Variants in NKAIN2 observed in about 807,000 individuals in gnomAD.
NKAIN2 encodes the protein sodium/potassium transporting ATPase interacting 2, also known as sodium/potassium-transporting ATPase subunit beta-1-interacting protein 2.
NKAIN2 carries 14 observed loss-of-function variants against 32.6 expected under a neutral mutation model. That is an observed-to-expected ratio of 0.43 (90% CI 0.28 to 0.67). The LOEUF is 0.67. Among genes scored for constraint, NKAIN2 ranks in the 30% least tolerant of loss-of-function variants. NKAIN2 has a pLI of 0.17. For synonymous variants in NKAIN2, 80 were observed against 87.2 expected, an observed-to-expected ratio of 0.92 and a Z score of 0.46; for missense variants, 198 against 258.3, an observed-to-expected ratio of 0.77 and a Z score of 1.60.
At chr6:123,930,774 GT>G (rs888289158) in intron 1 of NKAIN2, among the ~76,000 whole-genome samples, 12 of 152,270 alleles carry the variant, frequency 7.9e-5, no homozygotes, top group Admixed American at 7.9e-4. Context: ...AAGATACAGA[GT>G]AAGTGTAAGA....
At chr6:124,718,017 G>A (rs1472112416) in intron 4 of NKAIN2, among the ~76,000 whole-genome samples, 1 of 152,146 alleles carries the variant, frequency 6.6e-6, no homozygotes, top group Non-Finnish European at 1.5e-5. Flanking sequence ...GAAAAAGCAT[G>A]AGGTCACTGT....
intron 1 of NKAIN2, among the ~76,000 whole-genome samples, chr6:123,899,173 A>G (rs1318003783): frequency 6.6e-6 from 1 of 152,196 alleles, no homozygotes; most frequent in Non-Finnish European, 1.5e-5. Flanking sequence ...AGGCAGATAA[A>G]TTGGCTTTGG....
chr6:124,129,679 G>A (rs163290), intron 1 of NKAIN2, among the ~76,000 whole-genome samples: 92,925 of 151,838 alleles, frequency 0.61, 28,643 homozygotes, highest in East Asian at 0.74. Context: ...GTGCAATGGC[G>A]CAATCTCAGT....
At chr6:124,099,772 AACATCTTACAATGC>A (rs1439073718) in intron 1 of NKAIN2, among the ~76,000 whole-genome samples, 1 of 152,176 alleles carries the variant, frequency 6.6e-6, no homozygotes, top group African/African-American at 2.4e-5. Context: ...CATGCTGCTA[AACATCTTACAATGC>A]ACAGGATAGA....
chr6:124,054,324 T>G (rs1782548819), intron 1 of NKAIN2, among the ~76,000 whole-genome samples: 1 of 151,682 alleles, frequency 6.6e-6, no homozygotes. Flanking sequence ...TAGGACAGAG[T>G]AGGTGAAATA....
chr6:124,765,926 C>A, intron 4 of NKAIN2, among the ~76,000 whole-genome samples: 1 of 152,272 alleles, frequency 6.6e-6, no homozygotes, highest in South Asian at 2.1e-4. Context: ...ATACTTGACT[C>A]TCTTCTGTAT....
At chr6:124,014,234 A>C (rs1027412320) in intron 1 of NKAIN2, among the ~76,000 whole-genome samples, 2 of 152,172 alleles carry the variant, frequency 1.3e-5, no homozygotes, top group African/African-American at 2.4e-5. Context: ...AACTTAAACA[A>C]TAGATTCCAT....
chr6:124,183,503 G>A (rs1789557372), intron 1 of NKAIN2, among the ~76,000 whole-genome samples: 1 of 151,936 alleles, frequency 6.6e-6, no homozygotes, highest in African/African-American at 2.4e-5. Context: ...TTTCCTACAT[G>A]ACATAGCCTC....
intron 4 of NKAIN2, among the ~76,000 whole-genome samples, chr6:124,782,247 A>G (rs1274581600): frequency 6.6e-6 from 1 of 152,070 alleles, no homozygotes; most frequent in African/African-American, 2.4e-5. Flanking sequence ...TTTTAGTGCA[A>G]TGAGAGTACT....
rs528248207 is a variant in NKAIN2 at position 124,482,423 on chromosome 6, A to G, written c.273+127076A>G. On this transcript the variant is annotated intron_variant, in intron 3 of 6. Transcript: ENST00000368417. ...TTTCTACTGTGTTCAACGTCCTTTTAAAATGCAAACATGAACTCAGCCAAA... is the reference window on the plus strand; with the variant it reads ...TTTCTACTGTGTTCAACGTCCTTTTGAAATGCAAACATGAACTCAGCCAAA... Among the ~76,000 whole-genome samples, 16 of 152,332 alleles carry G rather than the reference A, an allele frequency of 1.1e-4. No homozygotes were observed. The South Asian group carries it at 1.7e-3, about 16-fold the overall frequency.
chr6:124,368,510 G>C (rs1008215494), intron 3 of NKAIN2, among the ~76,000 whole-genome samples: 1 of 152,116 alleles, frequency 6.6e-6, no homozygotes, highest in Middle Eastern at 3.4e-3. Flanking sequence ...AAATATGATG[G>C]GTATTGAAAG....
chr6:123,827,211 A>G (rs1774185140), intron 1 of NKAIN2, among the ~76,000 whole-genome samples: 1 of 152,070 alleles, frequency 6.6e-6, no homozygotes, highest in Non-Finnish European at 1.5e-5. Context: ...GCTGTCATTG[A>G]CAAAAACATT....
intron 1 of NKAIN2, among the ~76,000 whole-genome samples, chr6:123,832,946 G>C (rs1024256010): frequency 6.6e-6 from 1 of 152,034 alleles, no homozygotes; most frequent in Non-Finnish European, 1.5e-5. Context: ...CTTGAAATTT[G>C]CTTTTAATTT....
chr6:124,025,826 C>A (rs537187817), intron 1 of NKAIN2, among the ~76,000 whole-genome samples: 79 of 152,222 alleles, frequency 5.2e-4, no homozygotes, highest in Admixed American at 2.2e-3. Flanking sequence ...GAACATCATG[C>A]CCCAGAATAT....
chr6:124,340,161 T>C (rs1798058198), intron 2 of NKAIN2, among the ~76,000 whole-genome samples: 1 of 152,172 alleles, frequency 6.6e-6, no homozygotes, highest in South Asian at 2.1e-4. Flanking sequence ...TATATTTTGA[T>C]GCCACTTCTA....
chr6:123,942,771 T>A (rs1272041818), intron 1 of NKAIN2, among the ~76,000 whole-genome samples: 1 of 152,026 alleles, frequency 6.6e-6, no homozygotes, highest in Non-Finnish European at 1.5e-5. Flanking sequence ...CATAATCCTA[T>A]GAGCCATGAT....
intron 4 of NKAIN2, among the ~76,000 whole-genome samples, chr6:124,684,774 C>T (rs955440454): frequency 2.0e-5 from 3 of 152,140 alleles, no homozygotes; most frequent in African/African-American, 7.2e-5. Context: ...CTTACTACAT[C>T]TGGACACCGA....
intron 3 of NKAIN2, among the ~76,000 whole-genome samples, chr6:124,379,214 A>AAGGGGGGAGGGGGGGGAGGGGAGGAG (rs1800144040): frequency 4.4e-4 from 1 of 2,248 alleles, no homozygotes; most frequent in African/African-American, 1.8e-3. Context: ...GAAGGGAGGG[A>AAGGGGGGAGGGGGGGGAGGGGAGGAG]AAGGAGGGAA....
intron 1 of NKAIN2, among the ~76,000 whole-genome samples, chr6:124,126,693 G>T (rs1786182074): frequency 6.6e-6 from 1 of 152,200 alleles, no homozygotes; most frequent in Admixed American, 6.5e-5. Context: ...AGGCCAAGGT[G>T]AGAGGATCAC....
Sources: gnomAD v4.1 joint callset for allele counts (sites outside exome capture counted in the v4.1 genomes callset) on GRCh38, gnomAD v4.1.1 for gene constraint, MANE v1.5 for transcripts, NCBI Gene and HGNC (gene_info 2026-07-23, HGNC 2026-07-21) for gene names.